The following RBM41 variants were observed in gnomAD, a reference collection of about 807,000 sequenced individuals.
RBM41 encodes RNA binding motif protein 41.
RBM41 carries 14 observed loss-of-function variants against 30.8 expected under a neutral mutation model. That is an observed-to-expected ratio of 0.45 (90% CI 0.30 to 0.71). The LOEUF is 0.71. Among genes scored for constraint, RBM41 ranks in the 30% least tolerant of loss-of-function variants. The pLI, the probability that RBM41 is intolerant of heterozygous loss-of-function variation, is 0.08. For synonymous variants in RBM41, 120 were observed against 110.1 expected (o/e 1.09, Z -0.56); for missense variants, 276 against 326.3 (o/e 0.85, Z 1.19).
rs35841168 is a variant in RBM41 at position 107,077,573 on chromosome X, AACAC to A, written c.1000-8175_1000-8172del. On this transcript the variant is annotated intron_variant, in intron 6 of 7. Coordinates refer to ENST00000685964, the MANE Select transcript of RBM41 (RefSeq NM_001324242.2). ...GTATGAATGTATCCACAACATACAT[AACAC>A]ACACACACACACACACACACACACA... Among the ~76,000 whole-genome samples, 822 of 92,606 alleles carry A rather than the reference AACAC, an allele frequency of 8.9e-3. 3 individuals carry two copies. Among genetic ancestry groups the A allele is most frequent in the African/African-American group, 0.011 (257 of 23,578 alleles). 80.4% of individuals were successfully genotyped at this position (92,606 alleles called of 115,157 possible). A position where few individuals can be genotyped will look rare whatever the true frequency, so the allele number is the denominator to read the frequency against.
In RBM41 at chrX:107,063,708, T is replaced by C. The variant is rs761880522; in HGVS notation, c.*3819A>G. 9.0e-6 allele frequency among the ~76,000 whole-genome samples: 1 copy of C among 111,312 alleles called. No homozygotes were observed. Among genetic ancestry groups the C allele is most frequent in the Non-Finnish European group, 1.9e-5 (1 of 53,042 alleles). ...GAAATGTTCCCTCCTTCATTTCTGA[T>C]TTTAGTAATTTGATTCTCCTTTTTT... On this transcript the variant is annotated 3_prime_UTR_variant, in exon 8 of 8. Transcript: ENST00000685964.
intron 4 of RBM41, chrX:107,115,069 G>T: frequency 3.1e-6 from 1 of 319,056 alleles, no homozygotes; most frequent in Non-Finnish European, 5.5e-6. Context: ...GATCCATCAG[G>T]AGTTAGTATA....
intron 5 of RBM41, among the ~76,000 whole-genome samples, chrX:107,098,803 C>T (rs904199945): frequency 1.8e-5 from 2 of 111,080 alleles, no homozygotes; most frequent in African/African-American, 6.5e-5. Flanking sequence ...GAGTTCGAGA[C>T]CAGCCTGGCC....
In RBM41 at chrX:107,062,827, T is replaced by C. The variant is rs1011897076; in HGVS notation, c.*4700A>G. Reference sequence around the variant, plus strand: ...TATATACATACATACTATACATAAATGAATGCTTTTGCATAAAAATGTATT... The same window carrying C: ...TATATACATACATACTATACATAAACGAATGCTTTTGCATAAAAATGTATT... On this transcript the variant is annotated 3_prime_UTR_variant, in exon 8 of 8. Coordinates refer to ENST00000685964, the MANE Select transcript of RBM41 (RefSeq NM_001324242.2). Among the ~76,000 whole-genome samples the C allele has an allele frequency of 8.9e-6, 1 of 111,840 alleles. No individual in the cohort carries two copies.
chrX:107,080,740 T>C (rs963508751), intron 6 of RBM41, among the ~76,000 whole-genome samples: 1 of 112,374 alleles, frequency 8.9e-6, no homozygotes, highest in African/African-American at 3.2e-5. Flanking sequence ...AGGTGTGTAG[T>C]GGCACTTCTC....
At chrX:107,108,055 A>C in intron 5 of RBM41, among the ~76,000 whole-genome samples, 1 of 111,706 alleles carries the variant, frequency 9.0e-6, no homozygotes, top group Non-Finnish European at 1.9e-5. Flanking sequence ...TAAACCAATA[A>C]ATCTTTTCCA....
chrX:107,096,611 T>C (rs1484047175), intron 5 of RBM41, among the ~76,000 whole-genome samples: 1 of 111,545 alleles, frequency 9.0e-6, no homozygotes, highest in African/African-American at 3.3e-5. Context: ...ATGTATAATA[T>C]ATCTAGATGT....
At chrX:107,104,922 G>C (rs1193770427) in intron 5 of RBM41, among the ~76,000 whole-genome samples, 2 of 110,833 alleles carry the variant, frequency 1.8e-5, no homozygotes, top group African/African-American at 6.6e-5. Flanking sequence ...TACTGAATGG[G>C]CAAAAACTGG....
In RBM41 at chrX:107,065,612, A is replaced by C; in HGVS notation, c.*1915T>G. 1 of 474,885 alleles carries C rather than the reference A, an allele frequency of 2.1e-6. No homozygotes were observed. The highest frequency in any genetic ancestry group is 3.2e-6 in the Non-Finnish European group (1 of 313,798). 39.1% of individuals were successfully genotyped at this position (474,885 alleles called of 1,213,427 possible). ...TTTTACATCTTTAAAAGAAGCTGAG[A>C]GAAGAGTAAGTATATGTTTATAGTT... is the stretch of plus-strand genomic sequence containing the variant. On this transcript the variant is annotated 3_prime_UTR_variant, in exon 8 of 8. Coordinates refer to ENST00000685964, the MANE Select transcript of RBM41 (RefSeq NM_001324242.2).
intron 6 of RBM41, among the ~76,000 whole-genome samples, chrX:107,087,007 T>C (rs1161005708): frequency 8.9e-6 from 1 of 111,842 alleles, no homozygotes; most frequent in African/African-American, 3.2e-5. Flanking sequence ...TGTGAATATA[T>C]GGCTATGTAG....
At chrX:107,100,991 A>G (rs1923407526) in intron 5 of RBM41, among the ~76,000 whole-genome samples, 1 of 112,388 alleles carries the variant, frequency 8.9e-6, no homozygotes, top group African/African-American at 3.2e-5. Flanking sequence ...AGAAAACACC[A>G]CAATATTGAG....
intron 1 of RBM41, 96 bp downstream of exon 1, chrX:107,118,670 G>C: frequency 9.2e-7 from 1 of 1,092,251 alleles, no homozygotes; most frequent in Non-Finnish European, 1.3e-6. Context: ...TCCTGAGAAC[G>C]TGCAATACCC....
rs778404265 is a variant in RBM41, at chrX:107,090,909, T to C, written c.596-2070A>G. On this transcript the variant is annotated intron_variant, in intron 5 of 7. Transcript: ENST00000685964. ...TGCACCTATCAACCCATTATCTAAG[T>C]TTTAAGCCCCGCGTGCATTAGGTAT... is the stretch of plus-strand genomic sequence containing the variant. Among the ~76,000 whole-genome samples the C allele has an allele frequency of 4.4e-3, 485 of 110,127 alleles. 5 individuals are homozygous for C. Among genetic ancestry groups the C allele is most frequent in the African/African-American group, 0.015 (464 of 30,148 alleles).
chrX:107,096,996 G>C (rs1923040214), intron 5 of RBM41, among the ~76,000 whole-genome samples: 1 of 112,093 alleles, frequency 8.9e-6, no homozygotes, highest in African/African-American at 3.2e-5. Flanking sequence ...TGTTATTACA[G>C]AAATTCAAAA....
intron 2 of RBM41, 100 bp from the exon 3 acceptor site, chrX:107,116,154 C>A (rs1387520745): frequency 1.0e-6 from 1 of 991,240 alleles, no homozygotes; most frequent in East Asian, 3.8e-5. Flanking sequence ...AACTCACCAG[C>A]AAATTTTCTC....
intron 6 of RBM41, among the ~76,000 whole-genome samples, chrX:107,073,233 T>C (rs768415316): frequency 3.1e-4 from 35 of 111,811 alleles, no homozygotes; most frequent in African/African-American, 1.1e-3. Context: ...ATTTGCAAAC[T>C]ACTCACCCAA....
Position 107,065,310 on chromosome X carries a change from T to G in RBM41, c.*2217A>C, listed in dbSNP as rs1314610256. ...TGTTTTTGATATGCCTCAAGCTTTTTGCTTCTCCATTCCTTCTTTTGCATT... is the reference window on the plus strand; with the variant it reads ...TGTTTTTGATATGCCTCAAGCTTTTGGCTTCTCCATTCCTTCTTTTGCATT... On this transcript the variant is annotated 3_prime_UTR_variant, in exon 8 of 8. Coordinates refer to ENST00000685964, the MANE Select transcript of RBM41 (RefSeq NM_001324242.2). 1 of 112,376 alleles carries G rather than the reference T, an allele frequency of 8.9e-6. No homozygotes were observed. Among genetic ancestry groups the G allele is most frequent in the Non-Finnish European group, 1.9e-5 (1 of 53,369 alleles). The allele number at this position is 112,376 out of a possible 1,213,427, so 9.3% of individuals were successfully genotyped here.
chrX:107,092,464 C>A (rs1922624816), intron 5 of RBM41, among the ~76,000 whole-genome samples: 1 of 111,050 alleles, frequency 9.0e-6, no homozygotes, highest in Non-Finnish European at 1.9e-5. Flanking sequence ...ATATGTGGGC[C>A]AGGCGTGGTG....
At chrX:107,069,515 C>T (rs1468341030) in intron 6 of RBM41, 113 bp from the exon 7 acceptor site, 13 of 865,330 alleles carry the variant, frequency 1.5e-5, no homozygotes, top group East Asian at 1.0e-4. Context: ...AGTGCAGTGG[C>T]GCAATCTCTG....
Sources: gnomAD v4.1 joint callset for allele counts (sites outside exome capture counted in the v4.1 genomes callset) on GRCh38, gnomAD v4.1.1 for gene constraint, MANE v1.5 for transcripts, NCBI Gene and HGNC (gene_info 2026-07-23, HGNC 2026-07-21) for gene names.